The following HCN1 variants were observed in gnomAD, a reference collection of about 807,000 sequenced individuals.
The protein encoded by HCN1 is hyperpolarization activated cyclic nucleotide gated potassium channel 1.
A neutral mutation model predicts 78.9 loss-of-function variants in HCN1; 13 were observed. The observed-to-expected ratio is 0.16, with a 90% CI of 0.11 to 0.26. HCN1 has a LOEUF of 0.26. Ranked by LOEUF, HCN1 falls within the 10% of genes least tolerant of loss-of-function variation. HCN1 has a pLI of 1.00. For synonymous variants in HCN1, 552 were observed against 455.5 expected, an observed-to-expected ratio of 1.21 and a Z score of -2.70; for missense variants, 810 against 1,154.3, an observed-to-expected ratio of 0.70 and a Z score of 4.32.
At chr5:45,452,138 A>G (rs1740931887) in intron 3 of HCN1, among the ~76,000 whole-genome samples, 2 of 151,960 alleles carry the variant, frequency 1.3e-5, no homozygotes, top group Non-Finnish European at 2.9e-5. Context: ...CACAATTTTT[A>G]TCATTACCAA....
intron 1 of HCN1, among the ~76,000 whole-genome samples, chr5:45,663,837 G>A (rs1408795001): frequency 1.3e-5 from 2 of 148,306 alleles, no homozygotes; most frequent in African/African-American, 2.5e-5. Context: ...TGGAGAAATA[G>A]GAACACTTTC....
At chr5:45,312,800 G>C (rs767593157) in intron 5 of HCN1, among the ~76,000 whole-genome samples, 1 of 152,210 alleles carries the variant, frequency 6.6e-6, no homozygotes. Context: ...GAATCGCAAG[G>C]TGGCAGTGAG....
intron 5 of HCN1, among the ~76,000 whole-genome samples, chr5:45,314,111 G>A (rs1745921328): frequency 6.6e-6 from 1 of 152,164 alleles, no homozygotes; most frequent in Non-Finnish European, 1.5e-5. Context: ...GGCAGCCAGA[G>A]AGAAAGGTCG....
intron 4 of HCN1, among the ~76,000 whole-genome samples, chr5:45,376,338 TTATATATATATAGAGAGAGAG>T (rs1209759591): frequency 2.0e-5 from 2 of 98,716 alleles, no homozygotes; most frequent in Non-Finnish European, 4.0e-5. Context: ...ATAACATATA[TTATATATATATAGAGAGAGAG>T]AGAGAGAGAG....
chr5:45,472,523 G>A (rs1163482158), intron 2 of HCN1, among the ~76,000 whole-genome samples: 1 of 146,088 alleles, frequency 6.8e-6, no homozygotes, highest in African/African-American at 2.5e-5. Flanking sequence ...AGGGAGGAAG[G>A]GAAGGAGGAA....
At chr5:45,439,355 A>AT (rs1740625356) in intron 3 of HCN1, among the ~76,000 whole-genome samples, 1 of 152,128 alleles carries the variant, frequency 6.6e-6, no homozygotes, top group Non-Finnish European at 1.5e-5. Flanking sequence ...ATGAAAACAA[A>AT]TTTCACATTA....
chr5:45,675,232 T>G (rs910168221), intron 1 of HCN1, among the ~76,000 whole-genome samples: 1 of 151,776 alleles, frequency 6.6e-6, no homozygotes, highest in African/African-American at 2.4e-5. Context: ...AGATGTGGCA[T>G]GAGATCAACT....
intron 1 of HCN1, among the ~76,000 whole-genome samples, chr5:45,683,346 A>G (rs1739741731): frequency 6.6e-6 from 1 of 152,048 alleles, no homozygotes; most frequent in African/African-American, 2.4e-5. Flanking sequence ...AGTTACTGAT[A>G]TATCTTAATG....
chr5:45,369,491 T>C (rs936780963), intron 4 of HCN1, among the ~76,000 whole-genome samples: 3 of 152,100 alleles, frequency 2.0e-5, no homozygotes, highest in Non-Finnish European at 4.4e-5. Flanking sequence ...ATCCTATTAC[T>C]GTCCTTGCTC....
chr5:45,430,549 C>A (rs1433597075), intron 3 of HCN1, among the ~76,000 whole-genome samples: 1 of 152,038 alleles, frequency 6.6e-6, no homozygotes, highest in East Asian at 1.9e-4. Context: ...TGGTATTATT[C>A]TTTCTCTTCC....
chr5:45,321,503 C>T (rs1467918513), intron 5 of HCN1, among the ~76,000 whole-genome samples: 1 of 151,632 alleles, frequency 6.6e-6, no homozygotes, highest in Non-Finnish European at 1.5e-5. Flanking sequence ...AAGCTTAGCA[C>T]GTAGAATTAA....
At chr5:45,354,909 T>C (rs1746979632) in intron 4 of HCN1, among the ~76,000 whole-genome samples, 1 of 152,052 alleles carries the variant, frequency 6.6e-6, no homozygotes. Flanking sequence ...TAGTATTTTA[T>C]TCATTTTTGG....
intron 1 of HCN1, among the ~76,000 whole-genome samples, chr5:45,683,967 G>A (rs940692026): frequency 2.0e-5 from 3 of 152,204 alleles, no homozygotes; most frequent in Admixed American, 6.5e-5. Flanking sequence ...CACCGTGCCT[G>A]GTCCCGCTTC....
At chr5:45,398,909 G>A (rs1166100468) in intron 3 of HCN1, among the ~76,000 whole-genome samples, 2 of 152,164 alleles carry the variant, frequency 1.3e-5, no homozygotes, top group South Asian at 2.1e-4. Context: ...TAAACACTGA[G>A]GAATTCTAAT....
intron 4 of HCN1, among the ~76,000 whole-genome samples, chr5:45,376,709 A>G (rs529234573): frequency 2.6e-5 from 4 of 152,078 alleles, no homozygotes; most frequent in Middle Eastern, 3.4e-3. Context: ...GTTCACTGGC[A>G]GGAAATAACA....
intron 2 of HCN1, among the ~76,000 whole-genome samples, chr5:45,596,879 A>C (rs2111956130): frequency 6.6e-6 from 1 of 152,356 alleles, no homozygotes; most frequent in South Asian, 2.1e-4. Context: ...TCTTAAGTGA[A>C]AAGGCAAGGA....
chr5:45,436,348 A>G (rs1740560180), intron 3 of HCN1, among the ~76,000 whole-genome samples: 1 of 152,146 alleles, frequency 6.6e-6, no homozygotes, highest in African/African-American at 2.4e-5. Flanking sequence ...TCTTAGCTCA[A>G]ACATCTGTTG....
At chr5:45,661,324 TA>T (rs2112059596) in intron 1 of HCN1, among the ~76,000 whole-genome samples, 1 of 146,020 alleles carries the variant, frequency 6.8e-6, no homozygotes, top group East Asian at 2.1e-4. Context: ...GGGAAATTTA[TA>T]GCACTAAATG....
chr5:45,556,031 A>G (rs957730006), intron 2 of HCN1, among the ~76,000 whole-genome samples: 1 of 151,894 alleles, frequency 6.6e-6, no homozygotes, highest in African/African-American at 2.4e-5. Flanking sequence ...CTAGATCCCT[A>G]TTTCTCACCA....
Sources: gnomAD v4.1 joint callset for allele counts (sites outside exome capture counted in the v4.1 genomes callset) on GRCh38, gnomAD v4.1.1 for gene constraint, MANE v1.5 for transcripts, NCBI Gene and HGNC (gene_info 2026-07-23, HGNC 2026-07-21) for gene names.